The following IL1RAPL1 variants were observed in gnomAD, a reference collection of about 807,000 sequenced individuals.
The protein encoded by IL1RAPL1 is interleukin 1 receptor accessory protein like 1, also known as interleukin-1 receptor accessory protein-like 1.
In IL1RAPL1, 3 loss-of-function variants were observed where a neutral mutation model predicts 48.4. That is an observed-to-expected ratio of 0.06 (90% confidence interval 0.03 to 0.16). The LOEUF is 0.16. Ranked by LOEUF, IL1RAPL1 falls within the 10% of genes least tolerant of loss-of-function variation. The pLI is 1.00. For missense variants in IL1RAPL1, 349 were observed against 530.6 expected, an observed-to-expected ratio of 0.66 and a Z score of 3.36; for synonymous variants, 185 against 187.7, an observed-to-expected ratio of 0.99 and a Z score of 0.12.
chrX:29,562,034 TTCTATCTATCTA>T (rs61324448), intron 5 of IL1RAPL1, among the ~76,000 whole-genome samples: 2,885 of 93,048 alleles, frequency 0.031, 60 homozygotes, highest in Non-Finnish European at 0.037. Context: ...TCTTTTTCAA[TTCTATCTATCTA>T]TCTATCTATC....
chrX:28,999,590 C>G (rs1414165247), intron 2 of IL1RAPL1, among the ~76,000 whole-genome samples: 1 of 111,868 alleles, frequency 8.9e-6, no homozygotes, highest in African/African-American at 3.2e-5. Flanking sequence ...TATGCTCCCT[C>G]TTTTTGTTAT....
chrX:29,430,123 CTG>C (rs1934402494), intron 5 of IL1RAPL1, among the ~76,000 whole-genome samples: 1 of 74,377 alleles, frequency 1.3e-5, no homozygotes, highest in South Asian at 9.1e-4. Flanking sequence ...CTCTCTCTGT[CTG>C]TCTCTCTCTC....
At chrX:28,771,412 G>A (rs904164609) in intron 1 of IL1RAPL1, among the ~76,000 whole-genome samples, 5 of 112,412 alleles carry the variant, frequency 4.4e-5, no homozygotes, top group African/African-American at 1.3e-4. Context: ...GATAGTAGCT[G>A]CTAGAATATA....
chrX:29,803,216 T>C lies in IL1RAPL1; in HGVS notation c.779-114248T>C, dbSNP rs1446450612. On this transcript the variant is annotated intron_variant, in intron 6 of 10. Transcript: ENST00000378993. ...GTATACATATACACACATGTATATA[T>C]GTATACATATACACACATGTATATA... is the stretch of plus-strand genomic sequence containing the variant. 3.3e-4 allele frequency among the ~76,000 whole-genome samples: 12 copies of C among 36,308 alleles called. 1 individual carries two copies. The highest frequency in any genetic ancestry group is 1.3e-3 in the African/African-American group (11 of 8,199). The allele number at this position is 36,308 out of a possible 115,157, so 31.5% of individuals were successfully genotyped here.
chrX:29,792,681 G>A (rs987837297), intron 6 of IL1RAPL1, among the ~76,000 whole-genome samples: 1 of 111,113 alleles, frequency 9.0e-6, no homozygotes, highest in Admixed American at 9.6e-5. Flanking sequence ...TGCTTGTAAG[G>A]CCGGTGTTAG....
chrX:28,844,829 G>C (rs757510898), intron 2 of IL1RAPL1, among the ~76,000 whole-genome samples: 1 of 111,374 alleles, frequency 9.0e-6, no homozygotes, highest in African/African-American at 3.2e-5. Context: ...ATTGAGATAT[G>C]GTGTTTCCTT....
intron 2 of IL1RAPL1, among the ~76,000 whole-genome samples, chrX:29,044,671 A>G: frequency 9.0e-6 from 1 of 110,920 alleles, no homozygotes; most frequent in East Asian, 2.8e-4. Flanking sequence ...GTACTGTTCT[A>G]TTAATCTTCA....
chrX:29,209,329 GCTTT>G (rs979077620), intron 2 of IL1RAPL1, among the ~76,000 whole-genome samples: 1 of 111,663 alleles, frequency 9.0e-6, no homozygotes, highest in Non-Finnish European at 1.9e-5. Flanking sequence ...AGTATGAATT[GCTTT>G]CTGTTTGTGA....
intron 5 of IL1RAPL1, among the ~76,000 whole-genome samples, chrX:29,428,583 A>G (rs1012592446): frequency 9.0e-6 from 1 of 111,360 alleles, no homozygotes; most frequent in Admixed American, 9.6e-5. Context: ...AAAAATGAGT[A>G]AAAACTTTCT....
intron 2 of IL1RAPL1, among the ~76,000 whole-genome samples, chrX:29,060,452 T>G (rs1927316972): frequency 8.9e-6 from 1 of 111,910 alleles, no homozygotes; most frequent in Non-Finnish European, 1.9e-5. Flanking sequence ...TATAGCTAAT[T>G]AGTTAAGTGT....
chrX:28,705,182 G>A (rs1935360912), intron 1 of IL1RAPL1, among the ~76,000 whole-genome samples: 1 of 111,112 alleles, frequency 9.0e-6, no homozygotes, highest in Admixed American at 9.6e-5. Flanking sequence ...ATATATTTTG[G>A]CAACAGAGGC....
chrX:29,190,241 T>C lies in IL1RAPL1; in HGVS notation c.83-92697T>C, dbSNP rs150601568. On this transcript the variant is annotated intron_variant, in intron 2 of 10. Coordinates refer to ENST00000378993, the MANE Select transcript of IL1RAPL1 (RefSeq NM_014271.4). ...CATCTGTCCTTATGGACTGTCAGTGTAGTTGAGAATAGAGGATCATACGCT... is the reference window on the plus strand; with the variant it reads ...CATCTGTCCTTATGGACTGTCAGTGCAGTTGAGAATAGAGGATCATACGCT... Among the ~76,000 whole-genome samples, 666 of 112,319 alleles carry C rather than the reference T, an allele frequency of 5.9e-3. 4 individuals are homozygous for C. Among genetic ancestry groups the C allele is most frequent in the African/African-American group, 0.02 (622 of 31,008 alleles).
intron 6 of IL1RAPL1, among the ~76,000 whole-genome samples, chrX:29,841,771 G>A (rs187685777): frequency 4.5e-5 from 5 of 111,801 alleles, no homozygotes; most frequent in East Asian, 2.8e-4. Context: ...CATAGAAGGA[G>A]CTGAGAATGC....
chrX:29,504,371 A>G (rs1935306694), intron 5 of IL1RAPL1, among the ~76,000 whole-genome samples: 1 of 111,368 alleles, frequency 9.0e-6, no homozygotes. Flanking sequence ...GTGTAGTTTA[A>G]CTGTGATATT....
chrX:29,356,873 A>G (rs1330511021), intron 3 of IL1RAPL1, among the ~76,000 whole-genome samples: 1 of 111,793 alleles, frequency 8.9e-6, no homozygotes, highest in Non-Finnish European at 1.9e-5. Context: ...AAGTGCTTGA[A>G]GATTCCCACG....
chrX:28,763,695 G>T (rs5943542), intron 1 of IL1RAPL1, among the ~76,000 whole-genome samples: 1 of 109,804 alleles, frequency 9.1e-6, no homozygotes, highest in African/African-American at 3.3e-5. Flanking sequence ...CCTATGTTAT[G>T]TCAGTTTTTC....
intron 2 of IL1RAPL1, among the ~76,000 whole-genome samples, chrX:29,049,316 A>G (rs67762551): frequency 0.047 from 5,316 of 112,498 alleles, 123 homozygotes; most frequent in Middle Eastern, 0.074. Context: ...TTGCCTTTTA[A>G]GGTTATCCAT....
At chrX:29,195,690 G>A (rs1469953724) in intron 2 of IL1RAPL1, among the ~76,000 whole-genome samples, 11 of 107,928 alleles carry the variant, frequency 1.0e-4, no homozygotes, top group Non-Finnish European at 3.8e-5. Context: ...CTCCCAAGTA[G>A]CTGGGATTAC....
chrX:29,815,101 T>C (rs971815727), intron 6 of IL1RAPL1, among the ~76,000 whole-genome samples: 1 of 111,975 alleles, frequency 8.9e-6, no homozygotes, highest in Non-Finnish European at 1.9e-5. Context: ...AGTTTTTTTT[T>C]CCTAATCCTG....
Sources: gnomAD v4.1 joint callset for allele counts (sites outside exome capture counted in the v4.1 genomes callset) on GRCh38, gnomAD v4.1.1 for gene constraint, MANE v1.5 for transcripts, NCBI Gene and HGNC (gene_info 2026-07-23, HGNC 2026-07-21) for gene names.